Variants in SDHB observed in about 807,000 individuals in gnomAD.
SDHB encodes the protein succinate dehydrogenase [ubiquinone] iron-sulfur subunit, mitochondrial.
A neutral mutation model predicts 39.7 loss-of-function variants in SDHB; 21 were observed. The observed-to-expected ratio is 0.53, with a 90% confidence interval of 0.37 to 0.76. The LOEUF (loss-of-function observed/expected upper bound fraction) is 0.76. Ranked by LOEUF, SDHB falls within the 30% of genes least tolerant of loss-of-function variation. The probability of loss-of-function intolerance (pLI) is 0.00; values close to 1 mark genes in which losing one functional copy is unlikely to be tolerated. For missense variants in SDHB, 343 were observed against 350.9 expected (o/e 0.98, Z 0.18); for synonymous variants, 118 against 117.0 (o/e 1.01, Z -0.06).
At chr1:17,041,922 T>C (rs547506069) in intron 2 of SDHB, among the ~76,000 whole-genome samples, 21 of 152,118 alleles carry the variant, frequency 1.4e-4, no homozygotes, top group African/African-American at 4.8e-4. Context: ...AGCTAAGATT[T>C]TTTTTTCTTT....
In SDHB at chr1:17,022,293, C is replaced by T. The variant is rs146405600; in HGVS notation, c.765+315G>A. Among the ~76,000 whole-genome samples the T allele has an allele frequency of 9.2e-5, 14 of 152,312 alleles. No individual in the cohort carries two copies. The East Asian group carries it at 1.2e-3, about 13-fold the overall frequency. ...GTCCTCACAGCTGCCCACGTTCCAACGGCTTTCGCTTTCTGTTTCCTGGGA... is the reference window on the plus strand; with the variant it reads ...GTCCTCACAGCTGCCCACGTTCCAATGGCTTTCGCTTTCTGTTTCCTGGGA... On this transcript the variant is annotated intron_variant, in intron 7 of 7. Coordinates refer to ENST00000375499, the MANE Select transcript of SDHB (RefSeq NM_003000.3).
intron 5 of SDHB, among the ~76,000 whole-genome samples, chr1:17,026,691 C>A (rs1251668951): frequency 1.3e-5 from 2 of 152,108 alleles, no homozygotes; most frequent in African/African-American, 4.8e-5. Context: ...GTTTTATGGG[C>A]AACAGGAGAG....
intron 2 of SDHB, among the ~76,000 whole-genome samples, chr1:17,036,079 G>C (rs1233182580): frequency 1.3e-5 from 2 of 151,932 alleles, no homozygotes; most frequent in African/African-American, 4.8e-5. Context: ...GATATTCTGG[G>C]TCCCTTGCAT....
intron 2 of SDHB, among the ~76,000 whole-genome samples, chr1:17,039,718 T>C (rs182764852): frequency 5.8e-4 from 89 of 152,368 alleles, no homozygotes; most frequent in Admixed American, 3.7e-3. Context: ...CTTTATGTAA[T>C]GCAAGAATCC....
chr1:17,031,265 C>T (rs1193251051), intron 3 of SDHB, among the ~76,000 whole-genome samples: 2 of 151,918 alleles, frequency 1.3e-5, no homozygotes, highest in African/African-American at 2.4e-5. Context: ...GAGCAGTTTG[C>T]TTTTACAAGA....
At chr1:17,027,275 T>A (rs1035292873) in intron 5 of SDHB, among the ~76,000 whole-genome samples, 33 of 152,300 alleles carry the variant, frequency 2.2e-4, no homozygotes, top group African/African-American at 7.9e-4. Flanking sequence ...CCAGGAATAA[T>A]CCCACCCCAC....
chr1:17,053,827 G>A (rs1252101436), intron 1 of SDHB, 121 bp downstream of exon 1: 13 of 750,854 alleles, frequency 1.7e-5, no homozygotes, highest in Admixed American at 4.0e-5. Flanking sequence ...CCAGGGGGAG[G>A]AGGTCCTCCA....
intron 2 of SDHB, among the ~76,000 whole-genome samples, chr1:17,036,745 A>AATATAAATATTTATATAAATATGAAT (rs1464823144): frequency 8.9e-5 from 13 of 146,752 alleles, no homozygotes; most frequent in Non-Finnish European, 1.6e-4. Context: ...TGAATATATA[A>AATATAAATATTTATATAAATATGAAT]ATATAAATAT....
rs768683606 is a variant in SDHB at position 17,054,008 on chromosome 1, C to T, written c.12G>A (p.Val4=). The T allele has an allele frequency of 1.2e-6, 2 of 1,610,928 alleles. No homozygotes were observed. Among genetic ancestry groups the T allele is most frequent in the Non-Finnish European group, 1.7e-6 (2 of 1,178,584 alleles). MAA[V]VALSLRRRLP... The stretch of plus-strand genomic sequence containing the variant: ...ACCGGCGCCTCAAGGAGAGGGCGAC[C>T]ACCGCCGCCATCTTGGCTCCTGACG... The change falls in exon 1 of 8, where the codon GTG becomes GTA. Residue 4 remains valine (V), a synonymous_variant. Coordinates refer to ENST00000375499, the MANE Select transcript of SDHB (RefSeq NM_003000.3).
At chr1:17,021,697 A>G (rs909391811) in intron 7 of SDHB, among the ~76,000 whole-genome samples, 1 of 151,018 alleles carries the variant, frequency 6.6e-6, no homozygotes, top group Non-Finnish European at 1.5e-5. Context: ...GTGAGCTGAG[A>G]TCGATCGTGC....
chr1:17,044,577 G>A (rs1054988760), intron 2 of SDHB, among the ~76,000 whole-genome samples, 184 bp downstream of exon 2: 40 of 152,118 alleles, frequency 2.6e-4, no homozygotes, highest in Non-Finnish European at 4.7e-4. Context: ...CTGCCCGCCT[G>A]AGCCTCCCAA....
intron 1 of SDHB, among the ~76,000 whole-genome samples, chr1:17,049,563 T>C (rs142007753): frequency 0.044 from 6,592 of 149,348 alleles, 194 homozygotes; most frequent in Middle Eastern, 0.11. Context: ...TTCCAAAGTG[T>C]TGGGATTACA....
intron 7 of SDHB, among the ~76,000 whole-genome samples, chr1:17,020,994 G>A (rs762000315): frequency 2.0e-5 from 3 of 152,080 alleles, no homozygotes; most frequent in Non-Finnish European, 2.9e-5. Context: ...CCACCTTGCC[G>A]CCCACTGACT....
At chr1:17,026,139 C>T (rs1349247125) in intron 5 of SDHB, among the ~76,000 whole-genome samples, 2 of 152,210 alleles carry the variant, frequency 1.3e-5, no homozygotes, top group Non-Finnish European at 2.9e-5. Flanking sequence ...ACGCACCAGC[C>T]TTGCCTAGGA....
At chr1:17,029,093 G>GTT (rs746243819) in intron 3 of SDHB, among the ~76,000 whole-genome samples, 3,208 of 71,892 alleles carry the variant, frequency 0.045, 380 homozygotes, top group Non-Finnish European at 0.059. Context: ...AAATCAGCCT[G>GTT]TTTTTTTTTT....
intron 2 of SDHB, among the ~76,000 whole-genome samples, chr1:17,033,682 C>T (rs547817660): frequency 2.0e-5 from 3 of 152,310 alleles, no homozygotes; most frequent in South Asian, 2.1e-4. Flanking sequence ...CCTGGAGTGC[C>T]GGCCTGGCAG....
At chr1:17,038,020 T>C (rs2078059665) in intron 2 of SDHB, among the ~76,000 whole-genome samples, 1 of 152,158 alleles carries the variant, frequency 6.6e-6, no homozygotes, top group African/African-American at 2.4e-5. Flanking sequence ...GCGCCTGTAA[T>C]CCCAGCTACT....
chr1:17,024,115 G>C, intron 5 of SDHB, 41 bp from the exon 6 acceptor site: 2 of 1,383,230 alleles, frequency 1.4e-6, no homozygotes, highest in Non-Finnish European at 2.0e-6. Flanking sequence ...TGTGACGGGA[G>C]AGACTCTGCT....
chr1:17,034,012 C>G (rs1450442816), intron 2 of SDHB, among the ~76,000 whole-genome samples: 2 of 152,184 alleles, frequency 1.3e-5, no homozygotes, highest in African/African-American at 2.4e-5. Context: ...TTCATAGTAC[C>G]TGGCATACAG....
Sources: allele counts gnomAD v4.1 joint callset (sites outside exome capture counted in the v4.1 genomes callset), GRCh38; gene constraint gnomAD v4.1.1; transcripts MANE v1.5; gene names NCBI Gene and HGNC (gene_info 2026-07-23, HGNC 2026-07-21).